ANTXRL: variants seen among roughly 807,000 people sequenced by gnomAD.
ANTXRL encodes ANTXR like.
In ANTXRL, 63 loss-of-function variants were observed where a neutral mutation model predicts 75.4. The ratio of observed to expected loss-of-function variants is 0.84; its 90% CI spans 0.68 to 1.03. The LOEUF (loss-of-function observed/expected upper bound fraction) is 1.03. Among genes scored for constraint, ANTXRL ranks in the 50% least tolerant of loss-of-function variants. The pLI is 0.00. For synonymous variants in ANTXRL, 335 were observed against 291.3 expected (o/e 1.15, Z -1.53); for missense variants, 797 against 789.4 (o/e 1.01, Z -0.12).
At chr10:46,297,370 T>C (rs1554959096) in intron 6 of ANTXRL, 36 bp from the exon 7 acceptor site, 2 of 1,536,188 alleles carry the variant, frequency 1.3e-6, no homozygotes, top group East Asian at 4.9e-5. Flanking sequence ...CTCCATGTAT[T>C]TTGATGACCA....
At chr10:46,320,859 TG>T (rs1838946573) in intron 16 of ANTXRL, among the ~76,000 whole-genome samples, 1 of 152,208 alleles carries the variant, frequency 6.6e-6, no homozygotes, top group African/African-American at 2.4e-5. Context: ...GAATTTAATC[TG>T]GTGACATTAT....
intron 16 of ANTXRL, among the ~76,000 whole-genome samples, chr10:46,323,822 C>CTG (rs1839090421): frequency 1.3e-5 from 2 of 152,114 alleles, no homozygotes; most frequent in African/African-American, 4.8e-5. Context: ...GGTTAAAAGC[C>CTG]TGGACTGTCT....
intron 16 of ANTXRL, among the ~76,000 whole-genome samples, chr10:46,328,392 A>G (rs193055424): frequency 2.0e-5 from 3 of 152,238 alleles, no homozygotes; most frequent in Non-Finnish European, 4.4e-5. Context: ...TCTCCTTGAA[A>G]AGGCCAGGCT....
Position 46,313,240 on chromosome 10 carries a change from A to G in ANTXRL, c.1334A>G (p.Asn445Ser). ...GVGGMRRIEG[N>S]LDTFCDLSHA... is the part of the protein sequence containing the mutation. Reference sequence around the variant, plus strand: ...CATGGCCACGTTGCTTTTCAGGGCAATCTGGATACCTTTTGTGACCTCTCT... The same window carrying G: ...CATGGCCACGTTGCTTTTCAGGGCAGTCTGGATACCTTTTGTGACCTCTCT... Residue 445 changes from asparagine (N) to serine (S), a missense_variant, in exon 16 of 17, where the codon AAT becomes AGT. Asn to Ser is a conservative substitution (Grantham distance 46, BLOSUM62 1). This residue lies in a region of ANTXRL where 479 missense variants were observed against 422.0 expected (regional missense o/e 1.14). Transcript: ENST00000620264. 2 of 1,535,818 alleles carry G rather than the reference A, an allele frequency of 1.3e-6. No homozygotes were observed. Among genetic ancestry groups the G allele is most frequent in the Non-Finnish European group, 1.7e-6 (2 of 1,146,700 alleles).
At chr10:46,322,457 CAA>C (rs797036561) in intron 16 of ANTXRL, among the ~76,000 whole-genome samples, 55 of 90,442 alleles carry the variant, frequency 6.1e-4, no homozygotes, top group Admixed American at 4.5e-4. Context: ...GACTCCATCT[CAA>C]AAAAAAAAAA....
At chr10:46,309,518 A>C (rs1370191293) in intron 13 of ANTXRL, among the ~76,000 whole-genome samples, 3 of 152,200 alleles carry the variant, frequency 2.0e-5, no homozygotes, top group Non-Finnish European at 4.4e-5. Context: ...CTGCCTCAAC[A>C]ATCCAGACTT....
intron 11 of ANTXRL, 140 bp downstream of exon 11, chr10:46,307,012 C>T: frequency 1.4e-6 from 1 of 709,260 alleles, no homozygotes; most frequent in Non-Finnish European, 2.3e-6. Flanking sequence ...GCACCCTCCT[C>T]CCCACATCCC....
intron 9 of ANTXRL, among the ~76,000 whole-genome samples, chr10:46,299,543 C>T (rs1554959930): frequency 6.6e-6 from 1 of 152,048 alleles, no homozygotes; most frequent in African/African-American, 2.4e-5. Context: ...CTCCCTTCAT[C>T]ACGAGAGGAC....
At chr10:46,307,381 T>C (rs1838157150) in intron 11 of ANTXRL, 21 bp from the exon 12 acceptor site, 1 of 1,519,422 alleles carries the variant, frequency 6.6e-7, no homozygotes, top group Non-Finnish European at 8.8e-7. Flanking sequence ...GCTCTCACCA[T>C]CTGCATTTTC....
intron 16 of ANTXRL, among the ~76,000 whole-genome samples, chr10:46,317,721 A>T (rs1343692658): frequency 1.3e-5 from 2 of 152,114 alleles, no homozygotes; most frequent in Non-Finnish European, 2.9e-5. Context: ...ACACATGCAC[A>T]CACACACACA....
intron 9 of ANTXRL, among the ~76,000 whole-genome samples, chr10:46,302,381 C>T (rs1184204273): frequency 6.6e-6 from 1 of 152,170 alleles, no homozygotes; most frequent in African/African-American, 2.4e-5. Flanking sequence ...ACGGCCTGCA[C>T]ACCTGGGGCC....
intron 1 of ANTXRL, among the ~76,000 whole-genome samples, chr10:46,291,451 A>T (rs1188838981): frequency 6.7e-6 from 1 of 148,344 alleles, no homozygotes; most frequent in African/African-American, 2.5e-5. Flanking sequence ...TCTAGTGCAA[A>T]TTTTTTTATT....
chr10:46,326,212 G>C (rs1197033149), intron 16 of ANTXRL, among the ~76,000 whole-genome samples: 1 of 152,020 alleles, frequency 6.6e-6, no homozygotes, highest in East Asian at 1.9e-4. Flanking sequence ...ATGGATAAAA[G>C]GAAGGAACAG....
At chr10:46,321,144 T>C (rs1838959184) in intron 16 of ANTXRL, among the ~76,000 whole-genome samples, 1 of 152,130 alleles carries the variant, frequency 6.6e-6, no homozygotes. Flanking sequence ...TTAATGGAAT[T>C]GTTTCTTCAT....
chr10:46,318,305 A>G (rs1838831444), intron 16 of ANTXRL, among the ~76,000 whole-genome samples: 1 of 152,066 alleles, frequency 6.6e-6, no homozygotes, highest in Non-Finnish European at 1.5e-5. Context: ...ATACCCATAT[A>G]TAAGTGTAAC....
intron 2 of ANTXRL, 150 bp downstream of exon 2, chr10:46,292,279 G>T (rs1161733132): frequency 3.9e-6 from 3 of 770,096 alleles, no homozygotes; most frequent in African/African-American, 1.7e-5. Context: ...AAGCAGGAAT[G>T]AGGCCAGCAC....
At chr10:46,297,969 TC>T in intron 8 of ANTXRL, 32 bp from the exon 9 acceptor site, 1 of 1,535,784 alleles carries the variant, frequency 6.5e-7, no homozygotes, top group South Asian at 1.2e-5. Flanking sequence ...AAGCTCACTC[TC>T]CCTGTCCCGC....
Position 46,297,235 on chromosome 10 carries a change from C to A in ANTXRL, c.509-17C>A. ...TGGTGCCTTTGCTGAGCAGGCCACT[C>A]TTTGCTTCTTCTACAGACAAGGTTC... is the stretch of plus-strand genomic sequence containing the variant. On this transcript the variant is annotated splice_polypyrimidine_tract_variant and intron_variant, in intron 5 of 16. Transcript: ENST00000620264. The A allele has an allele frequency of 1.8e-5, 27 of 1,535,500 alleles. No homozygotes were observed. Among genetic ancestry groups the A allele is most frequent in the Non-Finnish European group, 2.2e-5 (25 of 1,146,112 alleles).
intron 16 of ANTXRL, among the ~76,000 whole-genome samples, chr10:46,314,378 C>T (rs1438033373): frequency 3.3e-5 from 5 of 152,074 alleles, no homozygotes; most frequent in African/African-American, 9.7e-5. Context: ...GGCCTCTCCA[C>T]GTTGCTACAG....
Sources: allele counts gnomAD v4.1 joint callset (sites outside exome capture counted in the v4.1 genomes callset), GRCh38; gene constraint gnomAD v4.1.1; regional missense constraint gnomAD v4.1.1; transcripts MANE v1.5; gene names NCBI Gene and HGNC (gene_info 2026-07-23, HGNC 2026-07-21).